HECTD2: variants seen among roughly 807,000 people sequenced by gnomAD.
HECTD2 encodes the protein probable E3 ubiquitin-protein ligase HECTD2.
Under a neutral mutation model 103.2 loss-of-function variants are expected in HECTD2, and 35 were observed. The observed-to-expected ratio is 0.34, with a 90% CI of 0.26 to 0.45. The LOEUF is 0.45. HECTD2 is among the 20% of genes least tolerant of loss of function. HECTD2 has a pLI of 1.00. For missense variants in HECTD2, 596 were observed against 937.4 expected, an observed-to-expected ratio of 0.64 and a Z score of 4.76; for synonymous variants, 281 against 329.9, an observed-to-expected ratio of 0.85 and a Z score of 1.61.
chr10:91,438,787 G>A (rs996444534), intron 2 of HECTD2, among the ~76,000 whole-genome samples: 1 of 152,122 alleles, frequency 6.6e-6, no homozygotes, highest in South Asian at 2.1e-4. Context: ...GCATGAGATG[G>A]TATCTCATTG....
chr10:91,409,432 C>T (rs1842826192), upstream of HECTD2: 1 of 152,266 alleles, frequency 6.6e-6, no homozygotes, highest in African/African-American at 2.4e-5. Context: ...GTATGTACAT[C>T]TCTAACATAA....
intron 1 of HECTD2, among the ~76,000 whole-genome samples, chr10:91,416,961 A>G (rs893717089): frequency 6.6e-6 from 1 of 152,224 alleles, no homozygotes; most frequent in African/African-American, 2.4e-5. Flanking sequence ...GGGAAAAGAA[A>G]GAGCCTTCAA....
intron 20 of HECTD2, among the ~76,000 whole-genome samples, chr10:91,506,566 T>G (rs1847188246): frequency 6.6e-6 from 1 of 152,090 alleles, no homozygotes; most frequent in African/African-American, 2.4e-5. Context: ...CTCCCAAGAC[T>G]AAACCAGGAA....
chr10:91,498,007 A>T lies in HECTD2; in HGVS notation c.1681-101A>T, dbSNP rs1846751639. 5.4e-6 allele frequency: 4 copies of T among 738,390 alleles called. No homozygotes were observed. The Admixed American group carries it at 8.5e-5, about 16-fold the overall frequency. The allele number at this position is 738,390 out of a possible 1,614,324, so 45.7% of individuals were successfully genotyped here. A position where few individuals can be genotyped will look rare whatever the true frequency, so the allele number is the denominator to read the frequency against. On this transcript the variant is annotated intron_variant, in intron 15 of 20. Transcript: ENST00000298068. ...GTGCCCTGGAAAATACATGTCAAATATGATCTTTATATACATATGCATGAG... is the reference window on the plus strand; with the variant it reads ...GTGCCCTGGAAAATACATGTCAAATTTGATCTTTATATACATATGCATGAG...
At chr10:91,444,715 ACCATGGTGAT>A (rs1399665527) in intron 2 of HECTD2, among the ~76,000 whole-genome samples, 2 of 151,860 alleles carry the variant, frequency 1.3e-5, no homozygotes, top group African/African-American at 4.9e-5. Flanking sequence ...AAAATCAATA[ACCATGGTGAT>A]GAGGGATTAA....
chr10:91,459,851 T>G (rs1162664931), intron 2 of HECTD2, among the ~76,000 whole-genome samples: 1 of 152,156 alleles, frequency 6.6e-6, no homozygotes, highest in Non-Finnish European at 1.5e-5. Context: ...TCTACAGTAT[T>G]CAGTACATTA....
intron 20 of HECTD2, among the ~76,000 whole-genome samples, chr10:91,501,797 T>C (rs1218685898): frequency 6.6e-6 from 1 of 151,972 alleles, no homozygotes; most frequent in African/African-American, 2.4e-5. Context: ...TTTAATCTCA[T>C]GCTTTTTGTA....
chr10:91,425,767 G>T (rs1843534577), intron 2 of HECTD2, among the ~76,000 whole-genome samples: 1 of 151,370 alleles, frequency 6.6e-6, no homozygotes, highest in South Asian at 2.1e-4. Flanking sequence ...GAAAATATAT[G>T]AAATACATAA....
At chr10:91,503,082 C>T (rs145123858) in intron 20 of HECTD2, among the ~76,000 whole-genome samples, 145 of 152,110 alleles carry the variant, frequency 9.5e-4, no homozygotes, top group African/African-American at 3.3e-3. Context: ...ATGGTAATTC[C>T]ATTAAAAGGT....
At chr10:91,429,715 A>G (rs1331996684) in intron 2 of HECTD2, among the ~76,000 whole-genome samples, 14 of 152,110 alleles carry the variant, frequency 9.2e-5, no homozygotes, top group Middle Eastern at 3.4e-3. Context: ...CTGTGGGATC[A>G]GTGGTGATAT....
chr10:91,419,406 C>G (rs1380724055), intron 1 of HECTD2, among the ~76,000 whole-genome samples: 1 of 151,968 alleles, frequency 6.6e-6, no homozygotes, highest in African/African-American at 2.4e-5. Flanking sequence ...AATAGCAGAA[C>G]AGGTACTCTA....
In HECTD2 at chr10:91,482,968, A is replaced by G; in HGVS notation, c.713A>G (p.Asn238Ser). 7.1e-7 allele frequency: 1 copy of G among 1,401,766 alleles called. No homozygotes were observed. The highest frequency in any genetic ancestry group is 9.9e-7 in the Non-Finnish European group (1 of 1,006,662). 86.8% of individuals were successfully genotyped at this position (1,401,766 alleles called of 1,614,324 possible). ...DLRAYFILLQNPQFNNTSTYV... is the reference protein window; with the variant it reads ...DLRAYFILLQSPQFNNTSTYV... ...AATTATCTTTAATATCTTTTTCAGA[A>G]TCCTCAGTTTAATAACACATCTACG... The change falls in exon 8 of 21, where the codon AAT becomes AGT. Residue 238 changes from asparagine to serine, a missense_variant and splice_region_variant. Coordinates refer to ENST00000298068, the MANE Select transcript of HECTD2 (RefSeq NM_182765.6).
chr10:91,494,320 A>T (rs1326445178), intron 14 of HECTD2, among the ~76,000 whole-genome samples: 4 of 152,072 alleles, frequency 2.6e-5, no homozygotes, highest in Non-Finnish European at 5.9e-5. Context: ...ATAGAGATTT[A>T]AAAAATGGAA....
chr10:91,451,343 G>A (rs1844817526), intron 2 of HECTD2, among the ~76,000 whole-genome samples: 1 of 152,096 alleles, frequency 6.6e-6, no homozygotes, highest in African/African-American at 2.4e-5. Flanking sequence ...TACCTGGGGA[G>A]GGGAACATCA....
intron 2 of HECTD2, among the ~76,000 whole-genome samples, chr10:91,444,194 T>C (rs1313806231): frequency 6.6e-6 from 1 of 152,160 alleles, no homozygotes; most frequent in African/African-American, 2.4e-5. Flanking sequence ...TACAATTAAA[T>C]ACAAACAGAT....
At chr10:91,482,639 AC>A (rs1846134628) in intron 7 of HECTD2, among the ~76,000 whole-genome samples, 1 of 152,002 alleles carries the variant, frequency 6.6e-6, no homozygotes, top group Non-Finnish European at 1.5e-5. Flanking sequence ...ACTCAAAACA[AC>A]CCTTAAGATA....
rs183143982 is a variant in HECTD2 at position 91,423,661 on chromosome 10, A to G, written c.139-1620A>G. Among the ~76,000 whole-genome samples, 3 of 152,248 alleles carry G rather than the reference A, an allele frequency of 2.0e-5. No homozygotes were observed. The East Asian group carries it at 5.8e-4, about 29-fold the overall frequency. On this transcript the variant is annotated intron_variant, in intron 1 of 20. Transcript: ENST00000298068. ...CACTTTCCTTTCTGTGAAATGAAGGAGTTAACTAATTTCTAAAAGTCTATT... is the reference window on the plus strand; with the variant it reads ...CACTTTCCTTTCTGTGAAATGAAGGGGTTAACTAATTTCTAAAAGTCTATT...
At chr10:91,478,417 C>T in intron 6 of HECTD2, 152 bp downstream of exon 6, 1 of 580,044 alleles carries the variant, frequency 1.7e-6, no homozygotes, top group Non-Finnish European at 3.0e-6. Context: ...AAGCCATTTA[C>T]AACAAAGCTG....
intron 9 of HECTD2, 102 bp downstream of exon 9, chr10:91,484,757 A>T (rs1309512802): frequency 1.2e-6 from 1 of 846,318 alleles, no homozygotes; most frequent in African/African-American, 1.7e-5. Context: ...TTAAATTTTA[A>T]ACCATTTCTG....
Sources: gnomAD v4.1 joint callset for allele counts (sites outside exome capture counted in the v4.1 genomes callset) on GRCh38, gnomAD v4.1.1 for gene constraint, MANE v1.5 for transcripts, NCBI Gene and HGNC (gene_info 2026-07-23, HGNC 2026-07-21) for gene names.